SLMAP: variants seen among roughly 807,000 people sequenced by gnomAD.
SLMAP encodes the protein sarcolemma associated protein.
SLMAP carries 44 observed loss-of-function variants against 128.8 expected under a neutral mutation model. The observed-to-expected ratio is 0.34, with a 90% CI of 0.27 to 0.44. The LOEUF (loss-of-function observed/expected upper bound fraction) is 0.44, where lower values mean the gene tolerates loss of function less well. Ranked by LOEUF, SLMAP falls within the 20% of genes least tolerant of loss-of-function variation. The pLI, the probability that SLMAP is intolerant of heterozygous loss-of-function variation, is 1.00. For synonymous variants in SLMAP, 327 were observed against 348.8 expected (o/e 0.94, Z 0.70); for missense variants, 787 against 985.3 (o/e 0.80, Z 2.69).
intron 14 of SLMAP, 115 bp downstream of exon 14, chr3:57,871,813 GC>G: frequency 1.3e-6 from 1 of 743,102 alleles, no homozygotes; most frequent in South Asian, 1.7e-5. Context: ...GCTTAAAGGG[GC>G]ATCTTTAGAC....
At chr3:57,896,958 C>T (rs548986298) in intron 17 of SLMAP, 26 bp downstream of exon 17, 16 of 1,612,576 alleles carry the variant, frequency 9.9e-6, no homozygotes, top group Non-Finnish European at 1.3e-5. Context: ...TTTATGACAT[C>T]GTAAACCAGG....
At chr3:57,896,759 A>C in intron 16 of SLMAP, 114 bp from the exon 17 acceptor site, 1 of 1,398,992 alleles carries the variant, frequency 7.1e-7, no homozygotes, top group Middle Eastern at 1.9e-4. Flanking sequence ...ACTACTTTCA[A>C]CTACCCGAAT....
At position 57,889,860 on chromosome 3, in the gene SLMAP, A is replaced by C. The variant is rs114499612; in HGVS notation, c.1301-181A>C. 7.5e-3 allele frequency: 3,553 copies of C among 476,606 alleles called. 97 individuals carry two copies. Among genetic ancestry groups the C allele is most frequent in the African/African-American group, 0.062 (3,208 of 51,742 alleles). The allele number at this position is 476,606 out of a possible 1,614,324, so 29.5% of individuals were successfully genotyped here. A position where few individuals can be genotyped will look rare whatever the true frequency, so the allele number is the denominator to read the frequency against. ...GCCCCTAGTTTTCTGCATTAACGTG[A>C]TTGCTCCGTCATAGTTCCAGTTCTC... On this transcript the variant is annotated intron_variant, in intron 14 of 24. Transcript: ENST00000671191.
chr3:57,885,299 C>T (rs762609990), intron 14 of SLMAP, among the ~76,000 whole-genome samples: 8 of 151,086 alleles, frequency 5.3e-5, no homozygotes, highest in Admixed American at 6.6e-5. Context: ...CTCGAACTCC[C>T]GACCTCAGGT....
At position 57,925,830 on chromosome 3, in the gene SLMAP, C is replaced by A. The variant is rs1014985791; in HGVS notation, c.2446-15C>A. 3.3e-6 allele frequency: 5 copies of A among 1,527,648 alleles called. No homozygotes were observed. Among genetic ancestry groups the A allele is most frequent in the African/African-American group, 1.4e-5 (1 of 72,660 alleles). The allele number at this position is 1,527,648 out of a possible 1,614,324, so 94.6% of individuals were successfully genotyped here. On this transcript the variant is annotated splice_polypyrimidine_tract_variant and intron_variant, in intron 23 of 24. Coordinates refer to ENST00000671191, the MANE Select transcript of SLMAP (RefSeq NM_001377540.1). Reference sequence around the variant, plus strand: ...CATAGCATAAAATGATTTTAATATGCCTTCCCTTCTTTAGCCTTCCATATT... The same window carrying A: ...CATAGCATAAAATGATTTTAATATGACTTCCCTTCTTTAGCCTTCCATATT...
At chr3:57,912,722 T>C in intron 20 of SLMAP, 21 bp downstream of exon 20, 1 of 1,563,318 alleles carries the variant, frequency 6.4e-7, no homozygotes. Context: ...GTATTTTACA[T>C]AAAGCTGTTA....
At chr3:57,847,722 T>C (rs1199980049) in intron 5 of SLMAP, among the ~76,000 whole-genome samples, 1 of 152,232 alleles carries the variant, frequency 6.6e-6, no homozygotes, top group Non-Finnish European at 1.5e-5. Context: ...TTTTCTTTTG[T>C]TCAGAAATAA....
intron 15 of SLMAP, among the ~76,000 whole-genome samples, chr3:57,894,586 T>C (rs1380648847): frequency 6.6e-6 from 1 of 152,176 alleles, no homozygotes; most frequent in Non-Finnish European, 1.5e-5. Flanking sequence ...AGAAGATATA[T>C]ACATATACAC....
At chr3:57,812,306 T>C (rs1484018963) in intron 2 of SLMAP, among the ~76,000 whole-genome samples, 1 of 152,222 alleles carries the variant, frequency 6.6e-6, no homozygotes, top group Non-Finnish European at 1.5e-5. Flanking sequence ...CCAGTTTTCC[T>C]AGCACCATTT....
Position 57,810,673 on chromosome 3 carries a change from G to A in SLMAP, c.199-20710G>A, listed in dbSNP as rs552733317. Among the ~76,000 whole-genome samples the A allele has an allele frequency of 2.6e-5, 4 of 152,248 alleles. No homozygotes were observed. In the East Asian group the frequency reaches 7.7e-4, roughly 29 times the overall value. On this transcript the variant is annotated intron_variant, in intron 2 of 24. Transcript: ENST00000671191. ...CGTCCGCACTGTTCTTGCCAAGGTC[G>A]TCGGTGGCTTTCAGATTATTTCCAG... is the stretch of plus-strand genomic sequence containing the variant.
chr3:57,790,724 A>G (rs1173346879), intron 2 of SLMAP, among the ~76,000 whole-genome samples: 1 of 152,216 alleles, frequency 6.6e-6, no homozygotes, highest in Non-Finnish European at 1.5e-5. Context: ...CTGAATTTAT[A>G]CCATATAAAA....
At chr3:57,800,873 T>C in intron 2 of SLMAP, 1 of 184,888 alleles carries the variant, frequency 5.4e-6, no homozygotes. Context: ...CCTCATCTTT[T>C]CCGTTATACT....
chr3:57,926,096 G>A lies in SLMAP; in HGVS notation c.*6+162G>A, dbSNP rs190023361. ...TTGTGTCATACCAATGAACTGAACA[G>A]TCAACTAATCCCATAACTTTTTGTC... is the stretch of plus-strand genomic sequence containing the variant. On this transcript the variant is annotated intron_variant, in intron 24 of 24. Transcript: ENST00000671191. The A allele has an allele frequency of 5.0e-6, 3 of 604,668 alleles. No individual in the cohort carries two copies. The Admixed American group carries it at 9.1e-5, about 18-fold the overall frequency. 37.5% of individuals were successfully genotyped at this position (604,668 alleles called of 1,614,324 possible).
chr3:57,802,411 G>A (rs1056001414), intron 2 of SLMAP, among the ~76,000 whole-genome samples: 1 of 151,944 alleles, frequency 6.6e-6, no homozygotes, highest in Non-Finnish European at 1.5e-5. Context: ...CTGAATAACT[G>A]GGATTACAGG....
intron 14 of SLMAP, among the ~76,000 whole-genome samples, chr3:57,873,297 G>A (rs2095526772): frequency 6.6e-6 from 1 of 152,132 alleles, no homozygotes; most frequent in Non-Finnish European, 1.5e-5. Context: ...GAGGTCAGGA[G>A]TTTGAGATGA....
chr3:57,861,382 G>A (rs750661685), intron 9 of SLMAP, among the ~76,000 whole-genome samples: 2 of 152,004 alleles, frequency 1.3e-5, no homozygotes, highest in Non-Finnish European at 2.9e-5. Context: ...TCTTTTCTTT[G>A]AACCACTGCA....
At chr3:57,901,539 A>ACT (rs1025458323) in intron 17 of SLMAP, 6 of 152,066 alleles carry the variant, frequency 3.9e-5, no homozygotes, top group African/African-American at 1.4e-4. Flanking sequence ...TCTGATCAAG[A>ACT]CTCTAGCTCC....
chr3:57,761,940 G>A (rs985081073), intron 2 of SLMAP, among the ~76,000 whole-genome samples: 3 of 151,122 alleles, frequency 2.0e-5, no homozygotes, highest in Admixed American at 6.6e-5. Flanking sequence ...CCAGCTACTC[G>A]GGAGGCTGAG....
At chr3:57,920,189 G>A (rs1276056140) in intron 22 of SLMAP, among the ~76,000 whole-genome samples, 4 of 152,272 alleles carry the variant, frequency 2.6e-5, no homozygotes, top group Non-Finnish European at 5.9e-5. Context: ...TGCCTTGGCA[G>A]TATGCCAGTA....
Sources: allele counts gnomAD v4.1 joint callset (sites outside exome capture counted in the v4.1 genomes callset), GRCh38; gene constraint gnomAD v4.1.1; transcripts MANE v1.5; gene names NCBI Gene and HGNC (gene_info 2026-07-23, HGNC 2026-07-21).